The following KCNH8 variants were observed in gnomAD, a reference collection of about 807,000 sequenced individuals.
KCNH8 encodes potassium voltage-gated channel subfamily H member 8.
KCNH8 carries 70 observed loss-of-function variants against 103.6 expected under a neutral mutation model. The observed-to-expected ratio is 0.68, with a 90% confidence interval of 0.56 to 0.82. The LOEUF is 0.82. Ranked by LOEUF, KCNH8 falls within the 40% of genes least tolerant of loss-of-function variation. The pLI is 0.00. For synonymous variants in KCNH8, 498 were observed against 489.4 expected, an observed-to-expected ratio of 1.02 and a Z score of -0.23; for missense variants, 1,217 against 1,329.9, an observed-to-expected ratio of 0.92 and a Z score of 1.32.
At chr3:19,323,455 AAATAAT>A (rs541006508) in intron 3 of KCNH8, among the ~76,000 whole-genome samples, 1 of 152,096 alleles carries the variant, frequency 6.6e-6, no homozygotes, top group Non-Finnish European at 1.5e-5. Context: ...TCTCAAAAAA[AAATAAT>A]AATAATAAAA....
At chr3:19,383,846 C>G (rs961472968) in intron 5 of KCNH8, among the ~76,000 whole-genome samples, 3 of 152,042 alleles carry the variant, frequency 2.0e-5, no homozygotes, top group African/African-American at 4.8e-5. Flanking sequence ...AATAACTACA[C>G]CTATAAACAG....
intron 3 of KCNH8, among the ~76,000 whole-genome samples, chr3:19,335,509 A>G (rs898124166): frequency 1.8e-5 from 2 of 113,902 alleles, no homozygotes; most frequent in Admixed American, 1.8e-4. Context: ...ATATATATAT[A>G]CTTTTTATAC....
chr3:19,314,601 CAAAA>C (rs746887001), intron 3 of KCNH8, among the ~76,000 whole-genome samples: 2 of 151,766 alleles, frequency 1.3e-5, no homozygotes, highest in Non-Finnish European at 2.9e-5. Flanking sequence ...AAACAACAAA[CAAAA>C]AACCCCACAG....
At position 19,151,216 on chromosome 3, in the gene KCNH8, A is replaced by G. The variant is rs563070075; in HGVS notation, c.76+2421A>G. Among the ~76,000 whole-genome samples, 105 of 152,172 alleles carry G rather than the reference A, an allele frequency of 6.9e-4. No homozygotes were observed. In the South Asian group the frequency reaches 0.012, roughly 18 times the overall value. On this transcript the variant is annotated intron_variant, in intron 1 of 15. Transcript: ENST00000328405. Reference sequence around the variant, plus strand: ...TTACTATCTCTGAAACTATTTTCCTATGATAATCCTTACTTCTATTGATTT... The same window carrying G: ...TTACTATCTCTGAAACTATTTTCCTGTGATAATCCTTACTTCTATTGATTT...
At chr3:19,316,348 C>T (rs1167023305) in intron 3 of KCNH8, among the ~76,000 whole-genome samples, 1 of 151,766 alleles carries the variant, frequency 6.6e-6, no homozygotes, top group African/African-American at 2.4e-5. Context: ...GTCAGATATC[C>T]CCTTAGTGGT....
intron 3 of KCNH8, among the ~76,000 whole-genome samples, chr3:19,295,260 T>C (rs1184200393): frequency 6.6e-6 from 1 of 151,954 alleles, no homozygotes; most frequent in Non-Finnish European, 1.5e-5. Flanking sequence ...GGTTCATACC[T>C]GTGGTCCCAG....
rs188498210 is a variant in KCNH8 at position 19,311,303 on chromosome 3, A to G, written c.442+29974A>G. 2.4e-3 allele frequency among the ~76,000 whole-genome samples: 367 copies of G among 151,824 alleles called. 1 individual carries two copies. Among genetic ancestry groups the G allele is most frequent in the African/African-American group, 8.2e-3 (340 of 41,440 alleles). On this transcript the variant is annotated intron_variant, in intron 3 of 15. Transcript: ENST00000328405. ...ATACCTTGAAATAGGTATTCTTATT[A>G]ACACCATTTTTAAAGATGAATAAAC...
chr3:19,407,037 T>G (rs1020137965), intron 7 of KCNH8, among the ~76,000 whole-genome samples: 1 of 152,158 alleles, frequency 6.6e-6, no homozygotes, highest in African/African-American at 2.4e-5. Flanking sequence ...CAAACATCCA[T>G]GAAATAAATG....
At position 19,148,609 on chromosome 3, in the gene KCNH8, G is replaced by A; in HGVS notation, c.-111G>A. ...CCTGCTCGGCCCCGCCGTCAGGCCG[G>A]GTCCCCCTTCCCTGCCGTCATCAGG... On this transcript the variant is annotated 5_prime_UTR_variant, in exon 1 of 16. Transcript: ENST00000328405. 1.9e-6 allele frequency: 2 copies of A among 1,029,504 alleles called. No homozygotes were observed. The highest frequency in any genetic ancestry group is 2.6e-5 in the South Asian group (2 of 78,336). The allele number at this position is 1,029,504 out of a possible 1,614,324, so 63.8% of individuals were successfully genotyped here. A position where few individuals can be genotyped will look rare whatever the true frequency, so the allele number is the denominator to read the frequency against.
At chr3:19,343,694 T>G (rs1043228376) in intron 4 of KCNH8, among the ~76,000 whole-genome samples, 7 of 152,096 alleles carry the variant, frequency 4.6e-5, no homozygotes, top group Non-Finnish European at 1.0e-4. Flanking sequence ...CTTTGGCATT[T>G]CATTTTTAAC....
chr3:19,496,101 AG>A (rs1325765314), intron 11 of KCNH8, among the ~76,000 whole-genome samples: 2 of 152,178 alleles, frequency 1.3e-5, no homozygotes, highest in Non-Finnish European at 2.9e-5. Context: ...TTTTGGGCAG[AG>A]ACTATGGGGT....
chr3:19,239,202 C>T (rs948248651), intron 1 of KCNH8, among the ~76,000 whole-genome samples: 6 of 151,946 alleles, frequency 3.9e-5, no homozygotes, highest in African/African-American at 1.5e-4. Flanking sequence ...TTTTGCTGGC[C>T]TATTTTACTA....
intron 7 of KCNH8, among the ~76,000 whole-genome samples, chr3:19,429,249 C>A (rs939965289): frequency 6.9e-6 from 1 of 145,442 alleles, no homozygotes; most frequent in Admixed American, 7.1e-5. Context: ...TCTCGGCTCA[C>A]TGCAAGCTCC....
intron 1 of KCNH8, among the ~76,000 whole-genome samples, chr3:19,154,535 C>G (rs1045605738): frequency 2.0e-5 from 3 of 152,322 alleles, no homozygotes; most frequent in East Asian, 1.9e-4. Context: ...TAGATGCCAA[C>G]TTTAGACTTG....
chr3:19,372,162 G>T (rs1468670999), intron 5 of KCNH8, among the ~76,000 whole-genome samples: 6 of 152,162 alleles, frequency 3.9e-5, no homozygotes. Flanking sequence ...GTCATTGGTA[G>T]CTTGATGTGG....
rs561642802 is a variant in KCNH8, at chr3:19,148,511, C to T, written c.-209C>T. On this transcript the variant is annotated 5_prime_UTR_variant, in exon 1 of 16. Coordinates refer to ENST00000328405, the MANE Select transcript of KCNH8 (RefSeq NM_144633.3). ...AGGTGCGGGGCGGGCTCGGGGAGCG[C>T]TCTTGGGGCTCCTCCTGCCACAGCC... 1.2e-3 allele frequency: 721 copies of T among 589,322 alleles called. 1 individual carries two copies. The highest frequency in any genetic ancestry group is 1.6e-3 in the Non-Finnish European group (524 of 329,260). The allele number at this position is 589,322 out of a possible 1,614,324, so 36.5% of individuals were successfully genotyped here.
At position 19,523,715 on chromosome 3, in the gene KCNH8, C is replaced by T. The variant is rs2069012567; in HGVS notation, c.2619+5641C>T. Among the ~76,000 whole-genome samples the T allele has an allele frequency of 1.3e-5, 2 of 151,898 alleles. 1 individual carries two copies. The highest frequency in any genetic ancestry group is 4.1e-4 in the South Asian group (2 of 4,826). On this transcript the variant is annotated intron_variant, in intron 15 of 15. Coordinates refer to ENST00000328405, the MANE Select transcript of KCNH8 (RefSeq NM_144633.3). Reference sequence around the variant, plus strand: ...TTTCAATTGGAAAAGAAAGTGTAAGCTTTTGTATATCCTAAAAGAAATAGA... The same window carrying T: ...TTTCAATTGGAAAAGAAAGTGTAAGTTTTTGTATATCCTAAAAGAAATAGA...
chr3:19,382,665 G>T (rs995103324), intron 5 of KCNH8, among the ~76,000 whole-genome samples: 1 of 150,728 alleles, frequency 6.6e-6, no homozygotes, highest in Non-Finnish European at 1.5e-5. Flanking sequence ...AGTAACAGCA[G>T]TAGTAATAGT....
chr3:19,212,101 ATT>A (rs1331649506), intron 1 of KCNH8, among the ~76,000 whole-genome samples: 1 of 152,140 alleles, frequency 6.6e-6, no homozygotes, highest in Non-Finnish European at 1.5e-5. Context: ...TTCTCTTGGG[ATT>A]ACATTATCAC....
Sources: allele counts gnomAD v4.1 joint callset (sites outside exome capture counted in the v4.1 genomes callset), GRCh38; gene constraint gnomAD v4.1.1; transcripts MANE v1.5; gene names NCBI Gene and HGNC (gene_info 2026-07-23, HGNC 2026-07-21).